The following SRGAP1 variants were observed in gnomAD, a reference collection of about 807,000 sequenced individuals.
SRGAP1 encodes the protein SLIT-ROBO Rho GTPase-activating protein 1.
Under a neutral mutation model 121.9 loss-of-function variants are expected in SRGAP1, and 43 were observed. That is an observed-to-expected ratio of 0.35 (90% CI 0.28 to 0.46). The LOEUF (loss-of-function observed/expected upper bound fraction) is 0.46, where lower values mean the gene tolerates loss of function less well. Ranked by LOEUF, SRGAP1 falls within the 20% of genes least tolerant of loss-of-function variation. The probability of loss-of-function intolerance (pLI) is 1.00; values close to 1 mark genes in which losing one functional copy is unlikely to be tolerated. For synonymous variants in SRGAP1, 447 were observed against 485.4 expected, an observed-to-expected ratio of 0.92 and a Z score of 1.04; for missense variants, 1,102 against 1,350.9, an observed-to-expected ratio of 0.82 and a Z score of 2.89.
At chr12:63,870,116 A>G (rs1899797987) in intron 1 of SRGAP1, among the ~76,000 whole-genome samples, 1 of 152,242 alleles carries the variant, frequency 6.6e-6, no homozygotes, top group Non-Finnish European at 1.5e-5. Flanking sequence ...ACTAGGAAGA[A>G]TGATTGCCAT....
At chr12:63,894,458 G>C (rs1900686392) in intron 1 of SRGAP1, among the ~76,000 whole-genome samples, 1 of 151,448 alleles carries the variant, frequency 6.6e-6, no homozygotes, top group Non-Finnish European at 1.5e-5. Context: ...TGCTCCTTCA[G>C]GTAGCTCACT....
Position 64,063,152 on chromosome 12 carries a change from C to A in SRGAP1, c.1023+14C>A, listed in dbSNP as rs1365403308. Reference sequence around the variant, plus strand: ...ATGGGTGATGAGGTCAGTAATTGATCATTTTTAAAATAATGAATTGTCTCT... The same window carrying A: ...ATGGGTGATGAGGTCAGTAATTGATAATTTTTAAAATAATGAATTGTCTCT... On this transcript the variant is annotated intron_variant, in intron 7 of 21. Transcript: ENST00000355086. 12 of 1,588,246 alleles carry A rather than the reference C, an allele frequency of 7.6e-6. No homozygotes were observed. Among genetic ancestry groups the A allele is most frequent in the Non-Finnish European group, 9.5e-6 (11 of 1,158,562 alleles).
intron 1 of SRGAP1, among the ~76,000 whole-genome samples, chr12:63,947,522 T>A (rs1201646837): frequency 2.0e-5 from 3 of 152,250 alleles, no homozygotes; most frequent in African/African-American, 7.2e-5. Flanking sequence ...TGTGGATACC[T>A]GTTGCTCTAG....
intron 1 of SRGAP1, among the ~76,000 whole-genome samples, chr12:63,858,612 A>C (rs923340731): frequency 6.6e-6 from 1 of 152,210 alleles, no homozygotes; most frequent in African/African-American, 2.4e-5. Flanking sequence ...TCCTTGTATG[A>C]ATAATTTTTA....
intron 18 of SRGAP1, among the ~76,000 whole-genome samples, chr12:64,121,911 A>C (rs1292076197): frequency 6.6e-6 from 1 of 152,176 alleles, no homozygotes; most frequent in Non-Finnish European, 1.5e-5. Context: ...CCTATAACTA[A>C]ATTAACTAGA....
intron 1 of SRGAP1, among the ~76,000 whole-genome samples, chr12:63,934,657 C>A (rs886072655): frequency 2.6e-5 from 4 of 152,132 alleles, no homozygotes; most frequent in African/African-American, 4.8e-5. Flanking sequence ...CACCACCCCC[C>A]CCAACAATCT....
At position 64,154,966 on chromosome 12, in the gene SRGAP1, C is replaced by T. The variant is rs767866366; in HGVS notation, c.*12294C>T. 6.6e-6 allele frequency: 1 copy of T among 152,066 alleles called. No homozygotes were observed. The highest frequency in any genetic ancestry group is 1.5e-5 in the Non-Finnish European group (1 of 67,990). The allele number at this position is 152,066 out of a possible 1,614,324, so 9.4% of individuals were successfully genotyped here. On this transcript the variant is annotated 3_prime_UTR_variant, in exon 22 of 22. Transcript: ENST00000355086. ...CAGTACCCAGGGAAGAAATGATTGCCATTTCTAGTGTGCATTTGTTAACAT... is the reference window on the plus strand; with the variant it reads ...CAGTACCCAGGGAAGAAATGATTGCTATTTCTAGTGTGCATTTGTTAACAT...
At chr12:63,989,863 G>A (rs1262202462) in intron 2 of SRGAP1, 47 bp from the exon 3 acceptor site, 4 of 1,525,820 alleles carry the variant, frequency 2.6e-6, no homozygotes, top group East Asian at 2.3e-5. Context: ...CATCTGATTG[G>A]GGCAACTTTG....
intron 21 of SRGAP1, among the ~76,000 whole-genome samples, chr12:64,139,979 C>A (rs2036930723): frequency 6.6e-6 from 1 of 151,544 alleles, no homozygotes; most frequent in African/African-American, 2.4e-5. Context: ...GTTTTCCCAG[C>A]ACCATTTATT....
chr12:64,127,105 C>A (rs1485368612), intron 19 of SRGAP1, among the ~76,000 whole-genome samples: 1 of 152,192 alleles, frequency 6.6e-6, no homozygotes, highest in Non-Finnish European at 1.5e-5. Context: ...ACCATGTAGC[C>A]TAGGTGTGCA....
At chr12:63,865,969 A>C (rs1046148196) in intron 1 of SRGAP1, among the ~76,000 whole-genome samples, 2 of 152,116 alleles carry the variant, frequency 1.3e-5, no homozygotes, top group Non-Finnish European at 2.9e-5. Flanking sequence ...GTGGTATAAA[A>C]TCCACTTTTC....
At chr12:63,983,873 CTT>C (rs758321804) in intron 1 of SRGAP1, 72 bp from the exon 2 acceptor site, 18 of 266,540 alleles carry the variant, frequency 6.8e-5, no homozygotes, top group South Asian at 2.1e-4. Flanking sequence ...TATTTCGTGA[CTT>C]ATATCTTGCA....
intron 14 of SRGAP1, among the ~76,000 whole-genome samples, chr12:64,096,960 A>T (rs778920917): frequency 1.3e-5 from 2 of 152,214 alleles, no homozygotes; most frequent in African/African-American, 2.4e-5. Context: ...GTTGGGTAAA[A>T]TTATAAATTC....
intron 1 of SRGAP1, among the ~76,000 whole-genome samples, chr12:63,939,246 G>C (rs190576729): frequency 6.5e-4 from 99 of 151,944 alleles, no homozygotes; most frequent in African/African-American, 2.3e-3. Flanking sequence ...ATAAGTATAA[G>C]AGCACCAATC....
chr12:64,078,212 G>A (rs2035772165), intron 8 of SRGAP1, among the ~76,000 whole-genome samples: 1 of 152,124 alleles, frequency 6.6e-6, no homozygotes. Flanking sequence ...TCATATATGT[G>A]TGACTAAACA....
chr12:64,073,531 A>G (rs1347011560), intron 8 of SRGAP1, among the ~76,000 whole-genome samples: 2 of 152,208 alleles, frequency 1.3e-5, no homozygotes, highest in African/African-American at 4.8e-5. Context: ...CCAAAACCCG[A>G]AGATGCTCAA....
intron 1 of SRGAP1, among the ~76,000 whole-genome samples, chr12:63,893,344 G>A (rs905925874): frequency 3.3e-5 from 5 of 152,212 alleles, no homozygotes; most frequent in Non-Finnish European, 7.3e-5. Context: ...GTAAGGCTTA[G>A]TAGTCATTAT....
intron 21 of SRGAP1, among the ~76,000 whole-genome samples, chr12:64,130,740 A>G (rs542821944): frequency 3.3e-5 from 5 of 152,340 alleles, no homozygotes; most frequent in African/African-American, 1.2e-4. Context: ...TGCCTTGGTC[A>G]GAGGTAATGC....
chr12:64,046,635 T>G (rs1465597738), intron 6 of SRGAP1, among the ~76,000 whole-genome samples: 2 of 152,048 alleles, frequency 1.3e-5, no homozygotes, highest in East Asian at 3.9e-4. Context: ...TGCCATCTAC[T>G]GAGATGGGGG....
Sources: allele counts gnomAD v4.1 joint callset (sites outside exome capture counted in the v4.1 genomes callset), GRCh38; gene constraint gnomAD v4.1.1; transcripts MANE v1.5; gene names NCBI Gene and HGNC (gene_info 2026-07-23, HGNC 2026-07-21).